TRPM1: variants seen among roughly 807,000 people sequenced by gnomAD.
TRPM1 encodes TRPM1-203 APA Isoform, Intron 10.
Under a neutral mutation model 149.4 loss-of-function variants are expected in TRPM1, and 113 were observed. The observed-to-expected ratio is 0.76, with a 90% confidence interval of 0.65 to 0.88. The LOEUF is 0.88. Ranked by LOEUF, TRPM1 falls within the 40% of genes least tolerant of loss-of-function variation. The pLI is 0.00. For missense variants in TRPM1, 1,976 were observed against 2,038.7 expected (o/e 0.97, Z 0.59); for synonymous variants, 741 against 759.5 (o/e 0.98, Z 0.40).
intron 1 of TRPM1, among the ~76,000 whole-genome samples, chr15:31,100,588 A>C (rs569203374): frequency 2.6e-4 from 39 of 152,308 alleles, no homozygotes; most frequent in African/African-American, 8.7e-4. Flanking sequence ...TAAAGAAGAC[A>C]AAAAATGTAG....
chr15:31,070,534 A>T (rs1000170326), intron 3 of TRPM1: 1 of 600,722 alleles, frequency 1.7e-6, no homozygotes. Context: ...TCTGTGACAA[A>T]GTATAGACAT....
At chr15:31,072,018 T>TATAGAGAGAGAGAGAG (rs1400392427) in intron 3 of TRPM1, among the ~76,000 whole-genome samples, 5 of 36,908 alleles carry the variant, frequency 1.4e-4, no homozygotes, top group African/African-American at 4.5e-4. Flanking sequence ...TATATATATA[T>TATAGAGAGAGAGAGAG]AGAGAGAGAG....
chr15:31,093,037 G>A (rs1212816642), intron 1 of TRPM1, among the ~76,000 whole-genome samples: 1 of 152,092 alleles, frequency 6.6e-6, no homozygotes, highest in South Asian at 2.1e-4. Flanking sequence ...GAGGCGGGTG[G>A]ATCACCTGAG....
At chr15:31,160,178 C>T (rs1437486253) in intron 1 of TRPM1, among the ~76,000 whole-genome samples, 2 of 152,130 alleles carry the variant, frequency 1.3e-5, no homozygotes, top group African/African-American at 2.4e-5. Flanking sequence ...GAGGTGGTGG[C>T]CTGCCCAGTC....
chr15:31,042,671 C>A (rs1295247023), intron 16 of TRPM1, among the ~76,000 whole-genome samples: 1 of 150,294 alleles, frequency 6.7e-6, no homozygotes, highest in Non-Finnish European at 1.5e-5. Flanking sequence ...GTAGCTGAAC[C>A]AGAAATTAAC....
chr15:31,149,807 CGG>C (rs879370522), intron 1 of TRPM1, among the ~76,000 whole-genome samples: 121 of 152,232 alleles, frequency 7.9e-4, no homozygotes, highest in Non-Finnish European at 1.5e-3. Context: ...GCGTGAGCCA[CGG>C]CGCCAGGCCG....
chr15:31,135,456 A>G (rs950560426), intron 1 of TRPM1, among the ~76,000 whole-genome samples: 1 of 152,236 alleles, frequency 6.6e-6, no homozygotes, highest in Non-Finnish European at 1.5e-5. Flanking sequence ...AAAAAAGAGA[A>G]TGATCCATCC....
chr15:31,081,257 A>G (rs1172759447), intron 2 of TRPM1, 96 bp downstream of exon 2: 5 of 767,616 alleles, frequency 6.5e-6, no homozygotes, highest in Non-Finnish European at 1.1e-5. Flanking sequence ...TTCACTGGAA[A>G]TCCGTCTTTT....
At chr15:31,052,387 A>G (rs1411649141) in intron 11 of TRPM1, among the ~76,000 whole-genome samples, 3 of 152,212 alleles carry the variant, frequency 2.0e-5, no homozygotes, top group Non-Finnish European at 2.9e-5. Context: ...GGATATCCAC[A>G]TGCAAAAGAC....
Position 31,038,131 on chromosome 15 carries a change from C to T in TRPM1, c.2352G>A (p.Leu784=). 2 of 1,614,064 alleles carry T rather than the reference C, an allele frequency of 1.2e-6. No homozygotes were observed. The highest frequency in any genetic ancestry group is 1.7e-6 in the Non-Finnish European group (2 of 1,179,984). ...CATCATATGTGCGAAATTCCAAAAA[C>T]AAGATGGTGGGGGGTAGAAGAATCC... The part of the protein sequence containing the change: ...IMGILLPPTI[L]FLEFRTYDDF... The change falls in exon 19 of 28, where the codon TTG becomes TTA. Residue 784 remains leucine (L), a synonymous_variant. Transcript: ENST00000256552.
chr15:31,113,042 A>T (rs888432889), intron 1 of TRPM1, among the ~76,000 whole-genome samples: 1 of 152,196 alleles, frequency 6.6e-6, no homozygotes, highest in Non-Finnish European at 1.5e-5. Flanking sequence ...CTGCTTCCTG[A>T]AGTCCCATTC....
At chr15:31,102,452 C>T (rs192596998), upstream of TRPM1, among the ~76,000 whole-genome samples, 289 of 152,364 alleles carry the variant, frequency 1.9e-3, no homozygotes, top group Middle Eastern at 6.8e-3. Context: ...GGCTCTTGGG[C>T]ATTGTCCGCC....
At chr15:31,091,256 A>G (rs1329501362) in intron 1 of TRPM1, among the ~76,000 whole-genome samples, 4 of 152,120 alleles carry the variant, frequency 2.6e-5, no homozygotes, top group Non-Finnish European at 5.9e-5. Context: ...GAGATGCTTC[A>G]CTCCAGAACT....
At chr15:31,141,959 A>G (rs1299662116) in intron 1 of TRPM1, among the ~76,000 whole-genome samples, 1 of 152,180 alleles carries the variant, frequency 6.6e-6, no homozygotes, top group African/African-American at 2.4e-5. Context: ...AGTGGCTCAC[A>G]CTTGTAATCC....
chr15:31,089,785 C>T (rs575759425), intron 1 of TRPM1, among the ~76,000 whole-genome samples: 1 of 152,250 alleles, frequency 6.6e-6, no homozygotes, highest in East Asian at 1.9e-4. Flanking sequence ...CATGGTGTCC[C>T]CAAAGTGCAT....
chr15:31,040,515 G>A lies in TRPM1; in HGVS notation c.2088-169C>T, dbSNP rs528350279. On this transcript the variant is annotated intron_variant, in intron 17 of 27. Coordinates refer to ENST00000256552, the MANE Select transcript of TRPM1 (RefSeq NM_001252024.2). The surrounding 1 kb of genome is among the most constrained non-coding windows in gnomAD (Gnocchi z 4.2). ...GCTCCAGGGATGTGTCCCCAAAGGG[G>A]GAAGGCCAGGGACAGTGGCTGGGAG... Among the ~76,000 whole-genome samples, 1 of 152,348 alleles carries A rather than the reference G, an allele frequency of 6.6e-6. No homozygotes were observed. The highest frequency in any genetic ancestry group is 2.1e-4 in the South Asian group (1 of 4,830).
chr15:31,041,593 A>G (rs1310950932), intron 17 of TRPM1, among the ~76,000 whole-genome samples: 1 of 152,172 alleles, frequency 6.6e-6, no homozygotes, highest in Non-Finnish European at 1.5e-5. Context: ...TGTGAAGGTC[A>G]CAGTCCAGGT....
At chr15:31,095,237 C>G (rs2035345936) in intron 1 of TRPM1, among the ~76,000 whole-genome samples, 1 of 152,112 alleles carries the variant, frequency 6.6e-6, no homozygotes, top group South Asian at 2.1e-4. Context: ...TGGGGAGGAA[C>G]TGCTTAATGG....
At position 31,063,288 on chromosome 15, in the gene TRPM1, C is replaced by G. The variant is rs371394864; in HGVS notation, c.795G>C (p.Leu265=). 301 of 1,614,088 alleles carry G rather than the reference C, an allele frequency of 1.9e-4. No individual in the cohort carries two copies. The highest frequency in any genetic ancestry group is 1.7e-4 in the Non-Finnish European group (201 of 1,180,042). ...HISLQKINTR[L]GQGVPLVGLV... is the part of the protein sequence containing the mutation. ...GACCCACGAGGGGCACGCCCTGCCC[C>G]AGTCCTGCAACACAAACCACATTCG... The change falls in exon 8 of 28, where the codon CTG becomes CTC. Residue 265 remains leucine (L), a synonymous_variant. Coordinates refer to ENST00000256552, the MANE Select transcript of TRPM1 (RefSeq NM_001252024.2).
Sources: gnomAD v4.1 joint callset for allele counts (sites outside exome capture counted in the v4.1 genomes callset) on GRCh38, gnomAD v4.1.1 for gene constraint, Gnocchi (gnomAD v3.1) non-coding constraint, MANE v1.5 for transcripts, NCBI Gene and HGNC (gene_info 2026-07-23, HGNC 2026-07-21) for gene names.